The following BBS9 variants were observed in gnomAD, a reference collection of about 807,000 sequenced individuals.
BBS9 encodes Bardet-Biedl syndrome 9, also known as protein PTHB1.
A neutral mutation model predicts 117.7 loss-of-function variants in BBS9; 89 were observed. The ratio of observed to expected loss-of-function variants is 0.76; its 90% CI spans 0.64 to 0.90. BBS9 has a LOEUF of 0.90. Among genes scored for constraint, BBS9 ranks in the 40% least tolerant of loss-of-function variants. BBS9 has a pLI of 0.00. For missense variants in BBS9, 982 were observed against 1,042.2 expected (o/e 0.94, Z 0.80); for synonymous variants, 379 against 370.9 (o/e 1.02, Z -0.25).
At chr7:33,537,665 A>G (rs763401439) in intron 21 of BBS9, among the ~76,000 whole-genome samples, 4 of 152,192 alleles carry the variant, frequency 2.6e-5, no homozygotes, top group East Asian at 1.9e-4. Context: ...TTAGTGGTCT[A>G]TCTGGCCTTT....
At chr7:33,443,122 C>A (rs940402163) in intron 19 of BBS9, among the ~76,000 whole-genome samples, 1 of 152,052 alleles carries the variant, frequency 6.6e-6, no homozygotes, top group Non-Finnish European at 1.5e-5. Context: ...GTAGAACTGG[C>A]ACCATTACCA....
chr7:33,450,559 G>A (rs939192864), intron 19 of BBS9, among the ~76,000 whole-genome samples: 7 of 152,132 alleles, frequency 4.6e-5, no homozygotes, highest in Non-Finnish European at 7.4e-5. Context: ...TTTAATAGTG[G>A]CTGTCCTAAT....
chr7:33,199,087 C>A (rs1785406919), intron 5 of BBS9, among the ~76,000 whole-genome samples: 1 of 151,922 alleles, frequency 6.6e-6, no homozygotes, highest in Non-Finnish European at 1.5e-5. Flanking sequence ...GGAACCCAAT[C>A]AATGGTTCTT....
chr7:33,258,950 A>G (rs28560342), intron 6 of BBS9, among the ~76,000 whole-genome samples: 24,758 of 152,198 alleles, frequency 0.16, 2,393 homozygotes, highest in Non-Finnish European at 0.22. Flanking sequence ...AGACTAAAAA[A>G]TGTACACGTT....
At chr7:33,408,487 C>T (rs969158062) in intron 19 of BBS9, among the ~76,000 whole-genome samples, 1 of 152,156 alleles carries the variant, frequency 6.6e-6, no homozygotes, top group African/African-American at 2.4e-5. Context: ...GAGATGAACC[C>T]AGTACCTCAG....
At chr7:33,347,208 T>A (rs571608507) in intron 12 of BBS9, among the ~76,000 whole-genome samples, 1 of 152,292 alleles carries the variant, frequency 6.6e-6, no homozygotes, top group East Asian at 1.9e-4. Context: ...CGTAAATAAT[T>A]TGTTAGCATG....
chr7:33,284,648 C>T (rs2128382175), intron 9 of BBS9, among the ~76,000 whole-genome samples: 1 of 152,258 alleles, frequency 6.6e-6, no homozygotes, highest in African/African-American at 2.4e-5. Context: ...ATCTGTCCTT[C>T]AGGAAAACTA....
At chr7:33,551,503 A>G (rs1196061805) in intron 21 of BBS9, among the ~76,000 whole-genome samples, 1 of 152,190 alleles carries the variant, frequency 6.6e-6, no homozygotes. Flanking sequence ...AAAATCACTT[A>G]GCTGTGGAAA....
downstream of BBS9, among the ~76,000 whole-genome samples, chr7:33,611,053 T>G (rs1585473315): frequency 6.6e-6 from 1 of 152,078 alleles, no homozygotes; most frequent in Non-Finnish European, 1.5e-5. Flanking sequence ...AGCTGTCAGA[T>G]TGAAGAGGGC....
intron 19 of BBS9, among the ~76,000 whole-genome samples, chr7:33,452,091 C>A (rs997417489): frequency 4.6e-5 from 7 of 152,180 alleles, no homozygotes; most frequent in Non-Finnish European, 8.8e-5. Flanking sequence ...GCCTCAGCCT[C>A]CCCAAGTGCT....
chr7:33,171,166 A>G (rs997051859), intron 4 of BBS9, among the ~76,000 whole-genome samples: 1 of 152,216 alleles, frequency 6.6e-6, no homozygotes, highest in Non-Finnish European at 1.5e-5. Context: ...AGCCAGAAGA[A>G]CAAAGCTGGA....
intron 19 of BBS9, among the ~76,000 whole-genome samples, chr7:33,492,516 TAGAG>T (rs1844130062): frequency 1.3e-5 from 2 of 152,164 alleles, no homozygotes; most frequent in South Asian, 4.1e-4. Flanking sequence ...TTTTAATGTT[TAGAG>T]TTCATGATTA....
At chr7:33,352,916 G>A in intron 15 of BBS9, 43 bp downstream of exon 15, 1 of 1,570,576 alleles carries the variant, frequency 6.4e-7, no homozygotes, top group Non-Finnish European at 8.8e-7. Context: ...TTTCAGAACT[G>A]AAATTTGATG....
At chr7:33,448,993 A>G (rs1432130973) in intron 19 of BBS9, among the ~76,000 whole-genome samples, 6 of 152,254 alleles carry the variant, frequency 3.9e-5, no homozygotes, top group African/African-American at 1.2e-4. Context: ...CAGAGAATTT[A>G]TGTAACTTGC....
At chr7:33,569,406 T>C (rs1163409741) in intron 21 of BBS9, among the ~76,000 whole-genome samples, 1 of 152,030 alleles carries the variant, frequency 6.6e-6, no homozygotes, top group Non-Finnish European at 1.5e-5. Context: ...TATACAGATG[T>C]GTATATATAT....
chr7:33,257,140 T>G (rs1243815264), intron 5 of BBS9, 96 bp from the exon 6 acceptor site: 2 of 786,028 alleles, frequency 2.5e-6, no homozygotes, highest in Non-Finnish European at 3.9e-6. Context: ...TATGTAAAAT[T>G]GGTGCCTAAG....
intron 5 of BBS9, among the ~76,000 whole-genome samples, chr7:33,231,178 C>CT (rs548044783): frequency 0.17 from 26,363 of 150,756 alleles, 2,741 homozygotes; most frequent in East Asian, 0.44. Flanking sequence ...TTCTGTCACC[C>CT]TTTTTTTTTG....
At chr7:33,607,122 A>G (rs899741714), downstream of BBS9, among the ~76,000 whole-genome samples, 1 of 152,126 alleles carries the variant, frequency 6.6e-6, no homozygotes, top group African/African-American at 2.4e-5. Flanking sequence ...TAGATTTGCA[A>G]GCTCCTTGGA....
At chr7:33,273,805 T>C (rs1402556941) in intron 8 of BBS9, 22 bp from the exon 9 acceptor site, 2 of 1,601,468 alleles carry the variant, frequency 1.2e-6, no homozygotes, top group Non-Finnish European at 1.7e-6. Flanking sequence ...TAGTGTCTCT[T>C]TTCTGTATTT....
Sources: allele counts gnomAD v4.1 joint callset (sites outside exome capture counted in the v4.1 genomes callset), GRCh38; gene constraint gnomAD v4.1.1; transcripts MANE v1.5; gene names NCBI Gene and HGNC (gene_info 2026-07-23, HGNC 2026-07-21).